The following LRRTM4 variants were observed in gnomAD, a reference collection of about 807,000 sequenced individuals.
LRRTM4 encodes the protein leucine rich repeat transmembrane neuronal 4, also known as leucine-rich repeat transmembrane neuronal protein 4.
A neutral mutation model predicts 47.6 loss-of-function variants in LRRTM4; 25 were observed. That is an observed-to-expected ratio of 0.53 (90% CI 0.38 to 0.73). LRRTM4 has a LOEUF of 0.73. LRRTM4 is among the 30% of genes least tolerant of loss of function. LRRTM4 has a pLI of 0.00. For missense variants in LRRTM4, 638 were observed against 713.4 expected (o/e 0.89, Z 1.20); for synonymous variants, 311 against 269.5 (o/e 1.15, Z -1.51).
At chr2:77,337,345 T>C (rs1284889618) in intron 3 of LRRTM4, among the ~76,000 whole-genome samples, 1 of 152,102 alleles carries the variant, frequency 6.6e-6, no homozygotes, top group Non-Finnish European at 1.5e-5. Flanking sequence ...ATCAATGTCA[T>C]TTTTTAACAG....
chr2:76,968,606 T>G (rs2103933600), intron 3 of LRRTM4, among the ~76,000 whole-genome samples: 1 of 151,604 alleles, frequency 6.6e-6, no homozygotes, highest in African/African-American at 2.4e-5. Context: ...TTTAGCTAAC[T>G]ATTCTGTTTG....
chr2:76,867,624 T>C (rs894346483), intron 3 of LRRTM4, among the ~76,000 whole-genome samples: 3 of 152,224 alleles, frequency 2.0e-5, no homozygotes, highest in African/African-American at 7.2e-5. Context: ...GAACTGATGC[T>C]ACAGTGATCC....
At chr2:76,870,660 T>G (rs566224124) in intron 3 of LRRTM4, among the ~76,000 whole-genome samples, 1 of 152,120 alleles carries the variant, frequency 6.6e-6, no homozygotes, top group Non-Finnish European at 1.5e-5. Context: ...CCTGCACATG[T>G]CAAGTTCATG....
In LRRTM4 at chr2:77,521,796, G is replaced by T; in HGVS notation, c.-125C>A. On this transcript the variant is annotated 5_prime_UTR_variant, in exon 2 of 4. Coordinates refer to ENST00000409884, the MANE Select transcript of LRRTM4 (RefSeq NM_001134745.3). ...CATTCACACCATTCTGATCCCGCAT[G>T]TGAGCTAGTAGCCCCATACAAACTT... 1.1e-6 allele frequency: 1 copy of T among 902,312 alleles called. No homozygotes were observed. Among genetic ancestry groups the T allele is most frequent in the Non-Finnish European group, 1.7e-6 (1 of 577,790 alleles). 55.9% of individuals were successfully genotyped at this position (902,312 alleles called of 1,614,324 possible). A position where few individuals can be genotyped will look rare whatever the true frequency, so the allele number is the denominator to read the frequency against.
intron 3 of LRRTM4, among the ~76,000 whole-genome samples, chr2:76,950,404 G>T (rs1298189068): frequency 6.6e-6 from 1 of 152,046 alleles, no homozygotes; most frequent in Non-Finnish European, 1.5e-5. Context: ...CAAAGCATAT[G>T]TCAGAAAATC....
chr2:77,383,397 TCTA>T (rs577691320), intron 3 of LRRTM4, among the ~76,000 whole-genome samples: 1 of 152,002 alleles, frequency 6.6e-6, no homozygotes, highest in Non-Finnish European at 1.5e-5. Flanking sequence ...TGATCTTTCT[TCTA>T]CTAAGGCCTT....
chr2:77,260,431 G>C (rs1297717716), intron 3 of LRRTM4, among the ~76,000 whole-genome samples: 1 of 150,462 alleles, frequency 6.6e-6, no homozygotes, highest in Admixed American at 6.7e-5. Flanking sequence ...TTGATTGGCT[G>C]CTATCAACGA....
chr2:76,816,830 T>G (rs1213938891), intron 3 of LRRTM4, among the ~76,000 whole-genome samples: 1 of 32,392 alleles, frequency 3.1e-5, no homozygotes. Context: ...TTTTTTTTTT[T>G]TTTTTTTTTT....
intron 3 of LRRTM4, among the ~76,000 whole-genome samples, chr2:77,355,340 G>A (rs1573301766): frequency 6.6e-6 from 1 of 152,222 alleles, no homozygotes; most frequent in African/African-American, 2.4e-5. Flanking sequence ...GGACAATAGA[G>A]AGTAAATTTC....
At chr2:77,490,543 T>C (rs1337221178) in intron 3 of LRRTM4, among the ~76,000 whole-genome samples, 1 of 152,104 alleles carries the variant, frequency 6.6e-6, no homozygotes, top group Non-Finnish European at 1.5e-5. Context: ...AGAAAAATCC[T>C]TAGCGAATGG....
rs974663503 is a variant in LRRTM4, at chr2:77,416,681, C to A, written c.1551+101637G>T. On this transcript the variant is annotated intron_variant, in intron 3 of 3. Transcript: ENST00000409884. ...CAAAATCATACCACTTCAGACAAAA[C>A]CACCAGAAATAGGCATCCCATGTTT... Among the ~76,000 whole-genome samples the A allele has an allele frequency of 8.6e-5, 13 of 152,002 alleles. No individual in the cohort carries two copies. The South Asian group carries it at 1.5e-3, about 17-fold the overall frequency.
chr2:76,906,832 C>T (rs1183503268), intron 3 of LRRTM4, among the ~76,000 whole-genome samples: 2 of 151,108 alleles, frequency 1.3e-5, no homozygotes, highest in Admixed American at 6.6e-5. Flanking sequence ...TACAGGAGCA[C>T]CCAGATTCAT....
intron 3 of LRRTM4, among the ~76,000 whole-genome samples, chr2:77,279,812 G>A (rs1473340418): frequency 6.6e-6 from 1 of 151,946 alleles, no homozygotes; most frequent in Non-Finnish European, 1.5e-5. Flanking sequence ...GAAATGAAGA[G>A]AGAGGCAGGA....
At chr2:76,910,370 T>C (rs1204477933) in intron 3 of LRRTM4, among the ~76,000 whole-genome samples, 2 of 148,618 alleles carry the variant, frequency 1.3e-5, no homozygotes, top group Non-Finnish European at 3.0e-5. Flanking sequence ...GGTGGAGGGA[T>C]AACATTGGGA....
At chr2:76,881,474 T>G (rs1327443061) in intron 3 of LRRTM4, among the ~76,000 whole-genome samples, 1 of 152,006 alleles carries the variant, frequency 6.6e-6, no homozygotes, top group African/African-American at 2.4e-5. Context: ...AAGACTTTTT[T>G]TTTTTTTTTG....
chr2:77,216,209 A>T (rs1040291879), intron 3 of LRRTM4, among the ~76,000 whole-genome samples: 1 of 152,240 alleles, frequency 6.6e-6, no homozygotes, highest in African/African-American at 2.4e-5. Context: ...TATACTTGAC[A>T]CCATTGCCAG....
chr2:77,033,906 A>G (rs530193415), intron 3 of LRRTM4, among the ~76,000 whole-genome samples: 2 of 151,992 alleles, frequency 1.3e-5, no homozygotes, highest in South Asian at 2.1e-4. Flanking sequence ...TAATAGTTTT[A>G]TATGTTCCTT....
intron 3 of LRRTM4, among the ~76,000 whole-genome samples, chr2:77,460,511 T>G (rs545188380): frequency 6.6e-6 from 1 of 152,090 alleles, no homozygotes; most frequent in Non-Finnish European, 1.5e-5. Context: ...GTTTCCCAGG[T>G]GGTTTATTTT....
chr2:77,218,913 C>A (rs1298850170), intron 3 of LRRTM4, among the ~76,000 whole-genome samples: 1 of 152,020 alleles, frequency 6.6e-6, no homozygotes, highest in Non-Finnish European at 1.5e-5. Context: ...CCTCAAGGGG[C>A]TCAAAGTAAA....
Sources: gnomAD v4.1 joint callset for allele counts (sites outside exome capture counted in the v4.1 genomes callset) on GRCh38, gnomAD v4.1.1 for gene constraint, MANE v1.5 for transcripts, NCBI Gene and HGNC (gene_info 2026-07-23, HGNC 2026-07-21) for gene names.